Variants in TMC1 observed in about 807,000 individuals in gnomAD.
The protein encoded by TMC1 is transmembrane channel-like protein 1.
In TMC1, 84 loss-of-function variants were observed where a neutral mutation model predicts 105.8. The ratio of observed to expected loss-of-function variants is 0.79; its 90% CI spans 0.67 to 0.95. The LOEUF (loss-of-function observed/expected upper bound fraction) is 0.95. Ranked by LOEUF, TMC1 falls within the 40% of genes least tolerant of loss-of-function variation. TMC1 has a pLI of 0.00. For missense variants in TMC1, 817 were observed against 914.1 expected, an observed-to-expected ratio of 0.89 and a Z score of 1.37; for synonymous variants, 315 against 311.5, an observed-to-expected ratio of 1.01 and a Z score of -0.12.
In TMC1 at chr9:72,795,078, A is replaced by G. The variant is rs116273873; in HGVS notation, c.1566+2726A>G. Among the ~76,000 whole-genome samples the G allele has an allele frequency of 2.9e-3, 437 of 152,362 alleles. 2 individuals are homozygous for G. The highest frequency in any genetic ancestry group is 9.4e-3 in the African/African-American group (389 of 41,586). On this transcript the variant is annotated intron_variant, in intron 17 of 23. Coordinates refer to ENST00000297784, the MANE Select transcript of TMC1 (RefSeq NM_138691.3). ...AAATAAGACAGTCAGATAAAAATAA[A>G]GGAAAAAGAATAAAACGGGAAGAAC...
chr9:72,651,855 T>C (rs1042567636), intron 5 of TMC1, among the ~76,000 whole-genome samples: 1 of 152,038 alleles, frequency 6.6e-6, no homozygotes, highest in Non-Finnish European at 1.5e-5. Flanking sequence ...TTGGTGCACC[T>C]ATCACCTAAG....
intron 13 of TMC1, among the ~76,000 whole-genome samples, chr9:72,780,914 C>T (rs930935983): frequency 1.3e-5 from 2 of 152,124 alleles, no homozygotes; most frequent in East Asian, 3.8e-4. Flanking sequence ...ATTATTGAGG[C>T]AGAAAACTAA....
intron 4 of TMC1, among the ~76,000 whole-genome samples, chr9:72,640,667 C>G (rs941694830): frequency 6.6e-6 from 1 of 150,946 alleles, no homozygotes; most frequent in Non-Finnish European, 1.5e-5. Context: ...GAGTGCCGCT[C>G]TGTCGCCCAG....
At chr9:72,620,683 A>T (rs1825233190) in intron 3 of TMC1, among the ~76,000 whole-genome samples, 1 of 152,212 alleles carries the variant, frequency 6.6e-6, no homozygotes, top group Admixed American at 6.5e-5. Flanking sequence ...TTAATAAGTG[A>T]CTAAAGATTG....
intron 5 of TMC1, among the ~76,000 whole-genome samples, chr9:72,671,074 G>A (rs1280666435): frequency 6.6e-6 from 1 of 152,186 alleles, no homozygotes; most frequent in East Asian, 1.9e-4. Flanking sequence ...ATGTGACACA[G>A]TAGCCATCAT....
chr9:72,603,848 G>GTT lies in TMC1; in HGVS notation c.-305-12493_-305-12492dup, dbSNP rs534608884. ...CAGGTGTGAGCCACTGCGACCGGCT[G>GTT]TTTTTTTTTTTTTTTTTTTTTTTTT... On this transcript the variant is annotated intron_variant, in intron 2 of 23. Transcript: ENST00000297784. 1.5e-3 allele frequency among the ~76,000 whole-genome samples: 114 copies of GTT among 74,000 alleles called. 6 individuals are homozygous for GTT. Among genetic ancestry groups the GTT allele is most frequent in the Non-Finnish European group, 1.9e-3 (79 of 40,708 alleles). 48.5% of individuals were successfully genotyped at this position (74,000 alleles called of 152,430 possible).
At chr9:72,723,998 A>G (rs1163905337) in intron 8 of TMC1, among the ~76,000 whole-genome samples, 2 of 152,214 alleles carry the variant, frequency 1.3e-5, no homozygotes, top group Admixed American at 1.3e-4. Flanking sequence ...TAGTTAAATC[A>G]TCTTGAGGTT....
At chr9:72,585,152 CTTT>C (rs1274611916) in intron 2 of TMC1, among the ~76,000 whole-genome samples, 4 of 126,066 alleles carry the variant, frequency 3.2e-5, no homozygotes, top group Admixed American at 8.0e-5. Flanking sequence ...GGTGCCATGT[CTTT>C]TTTTTTTTTT....
At position 72,816,100 on chromosome 9, in the gene TMC1, A is replaced by G. The variant is rs779766906; in HGVS notation, c.1696-43A>G. 2.5e-6 allele frequency: 4 copies of G among 1,588,106 alleles called. No homozygotes were observed. The East Asian group carries it at 8.9e-5, about 35-fold the overall frequency. Reference sequence around the variant, plus strand: ...CAGAACAATTTGCCTTTCAGTTTTGACCATGTGAGACGCTAATCCAATGAA... The same window carrying G: ...CAGAACAATTTGCCTTTCAGTTTTGGCCATGTGAGACGCTAATCCAATGAA... On this transcript the variant is annotated intron_variant, in intron 18 of 23. Transcript: ENST00000297784.
At chr9:72,666,900 A>C (rs1826053073) in intron 5 of TMC1, among the ~76,000 whole-genome samples, 1 of 150,700 alleles carries the variant, frequency 6.6e-6, no homozygotes, top group Admixed American at 6.6e-5. Context: ...AACAAAACAA[A>C]ACAAAACAAA....
chr9:72,717,467 G>A (rs748879066), intron 8 of TMC1, among the ~76,000 whole-genome samples: 2 of 152,082 alleles, frequency 1.3e-5, no homozygotes, highest in Non-Finnish European at 2.9e-5. Flanking sequence ...AATATTTAGA[G>A]CTCCTTTCAG....
intron 12 of TMC1, among the ~76,000 whole-genome samples, chr9:72,770,412 T>A (rs1012163917): frequency 6.9e-6 from 1 of 145,918 alleles, no homozygotes; most frequent in Admixed American, 6.9e-5. Flanking sequence ...CATATAAAAT[T>A]TGTTGGGTTT....
At chr9:72,567,356 C>G (rs1226134450) in intron 1 of TMC1, among the ~76,000 whole-genome samples, 1 of 152,218 alleles carries the variant, frequency 6.6e-6, no homozygotes, top group Non-Finnish European at 1.5e-5. Context: ...CAGATATTTA[C>G]ACCCATCTTC....
intron 8 of TMC1, among the ~76,000 whole-genome samples, chr9:72,714,664 C>A (rs973905917): frequency 2.6e-5 from 4 of 152,078 alleles, no homozygotes; most frequent in African/African-American, 9.7e-5. Flanking sequence ...TGTGTCTTTG[C>A]ACGTCAGATG....
intron 3 of TMC1, among the ~76,000 whole-genome samples, chr9:72,616,846 G>A (rs1825139526): frequency 6.6e-6 from 1 of 151,968 alleles, no homozygotes; most frequent in Non-Finnish European, 1.5e-5. Flanking sequence ...ATGTTCACAA[G>A]GAAGGAGCTG....
chr9:72,785,549 T>G (rs1828156106), intron 13 of TMC1, among the ~76,000 whole-genome samples: 1 of 152,248 alleles, frequency 6.6e-6, no homozygotes, highest in Admixed American at 6.5e-5. Flanking sequence ...GCATCACTGC[T>G]CTTGCACTTT....
intron 20 of TMC1, 146 bp from the exon 21 acceptor site, chr9:72,826,723 G>A (rs1828962004): frequency 2.5e-6 from 2 of 813,136 alleles, no homozygotes; most frequent in African/African-American, 1.7e-5. Context: ...AGGTCAAAGT[G>A]TCAGCAAGTT....
intron 8 of TMC1, among the ~76,000 whole-genome samples, chr9:72,714,700 G>T (rs1306034971): frequency 2.0e-5 from 3 of 152,196 alleles, no homozygotes; most frequent in East Asian, 3.9e-4. Flanking sequence ...GCACACCAAT[G>T]GGTCTTGACT....
At chr9:72,666,648 A>C (rs947062084) in intron 5 of TMC1, among the ~76,000 whole-genome samples, 2 of 152,208 alleles carry the variant, frequency 1.3e-5, no homozygotes, top group African/African-American at 4.8e-5. Context: ...ATTATTTGCC[A>C]AGCATGGGCA....
Sources: allele counts gnomAD v4.1 joint callset (sites outside exome capture counted in the v4.1 genomes callset), GRCh38; gene constraint gnomAD v4.1.1; transcripts MANE v1.5; gene names NCBI Gene and HGNC (gene_info 2026-07-23, HGNC 2026-07-21).